The following UGGT1 variants were observed in gnomAD, a reference collection of about 807,000 sequenced individuals.
UGGT1 encodes the protein UDP-glucose:glycoprotein glucosyltransferase 1.
A neutral mutation model predicts 203.9 loss-of-function variants in UGGT1; 107 were observed. The ratio of observed to expected loss-of-function variants is 0.52; its 90% CI spans 0.45 to 0.62. The LOEUF (loss-of-function observed/expected upper bound fraction) is 0.62, where lower values mean the gene tolerates loss of function less well. Ranked by LOEUF, UGGT1 falls within the 20% of genes least tolerant of loss-of-function variation. The pLI, the probability that UGGT1 is intolerant of heterozygous loss-of-function variation, is 0.00. For synonymous variants in UGGT1, 628 were observed against 653.5 expected (o/e 0.96, Z 0.59); for missense variants, 1,673 against 1,867.2 (o/e 0.90, Z 1.92).
At chr2:128,120,231 C>A in intron 8 of UGGT1, 125 bp from the exon 9 acceptor site, 1 of 758,604 alleles carries the variant, frequency 1.3e-6, no homozygotes, top group Non-Finnish European at 2.2e-6. Flanking sequence ...ATTTTTTCCC[C>A]CTATGTCGTA....
intron 20 of UGGT1, 63 bp from the exon 21 acceptor site, chr2:128,156,329 C>T: frequency 1.6e-6 from 2 of 1,264,772 alleles, no homozygotes; most frequent in Non-Finnish European, 1.2e-6. Flanking sequence ...TCAATTTTTA[C>T]AGTAGGCATT....
At chr2:128,109,214 G>GT (rs1380241662) in intron 4 of UGGT1, among the ~76,000 whole-genome samples, 9 of 149,362 alleles carry the variant, frequency 6.0e-5, no homozygotes, top group African/African-American at 1.7e-4. Context: ...TATTGATTTT[G>GT]TTTTTTTGAG....
At chr2:128,123,595 T>G (rs1170525221) in intron 11 of UGGT1, among the ~76,000 whole-genome samples, 1 of 152,230 alleles carries the variant, frequency 6.6e-6, no homozygotes, top group Non-Finnish European at 1.5e-5. Flanking sequence ...CATTATATAT[T>G]GGCCTCCTAT....
At chr2:128,097,401 A>C in intron 1 of UGGT1, 28 bp from the exon 2 acceptor site, 1 of 1,585,876 alleles carries the variant, frequency 6.3e-7, no homozygotes, top group Non-Finnish European at 8.5e-7. Context: ...TCCTTGTAGC[A>C]AAACTTCTTT....
chr2:128,144,622 G>A (rs966271799), intron 17 of UGGT1, among the ~76,000 whole-genome samples: 1 of 152,198 alleles, frequency 6.6e-6, no homozygotes, highest in African/African-American at 2.4e-5. Context: ...AGTTTTAGGA[G>A]TGTATATTTA....
At chr2:128,152,661 C>CT in intron 18 of UGGT1, 123 bp from the exon 19 acceptor site, 1 of 1,331,944 alleles carries the variant, frequency 7.5e-7, no homozygotes, top group Non-Finnish European at 1.0e-6. Flanking sequence ...TAACTTCTGT[C>CT]TTAACTATTA....
At chr2:128,094,563 T>A (rs1164475441) in intron 1 of UGGT1, among the ~76,000 whole-genome samples, 1 of 152,048 alleles carries the variant, frequency 6.6e-6, no homozygotes, top group African/African-American at 2.4e-5. Flanking sequence ...GTAACATATA[T>A]GTGGTTAAAC....
At chr2:128,155,773 A>G (rs1208559777) in intron 20 of UGGT1, among the ~76,000 whole-genome samples, 186 bp downstream of exon 20, 2 of 152,214 alleles carry the variant, frequency 1.3e-5, no homozygotes, top group Non-Finnish European at 2.9e-5. Flanking sequence ...TGTTGAAAGT[A>G]TATATTTGTT....
At position 128,192,503 on chromosome 2, in the gene UGGT1, C is replaced by T. The variant is rs375606666; in HGVS notation, c.*2761C>T. 6.6e-6 allele frequency: 1 copy of T among 152,184 alleles called. No homozygotes were observed. Among genetic ancestry groups the T allele is most frequent in the East Asian group, 1.9e-4 (1 of 5,192 alleles). 9.4% of individuals were successfully genotyped at this position (152,184 alleles called of 1,614,324 possible). Reference sequence around the variant, plus strand: ...TTATTTATATAAAGTGAATTATTTTCTCTCTCAATCATGCCATAGTGGAGA... The same window carrying T: ...TTATTTATATAAAGTGAATTATTTTTTCTCTCAATCATGCCATAGTGGAGA... On this transcript the variant is annotated 3_prime_UTR_variant, in exon 41 of 41. Coordinates refer to ENST00000259253, the MANE Select transcript of UGGT1 (RefSeq NM_020120.4).
intron 16 of UGGT1, 99 bp downstream of exon 16, chr2:128,138,951 A>G (rs899885394): frequency 5.1e-5 from 75 of 1,472,168 alleles, no homozygotes; most frequent in Admixed American, 2.8e-4. Flanking sequence ...GGGTGTATAG[A>G]GCTCAGGGGT....
intron 22 of UGGT1, among the ~76,000 whole-genome samples, chr2:128,158,177 G>T (rs1052624603): frequency 2.0e-5 from 3 of 152,184 alleles, no homozygotes; most frequent in Non-Finnish European, 4.4e-5. Flanking sequence ...TCTTCAAATG[G>T]TAGTAGGGTA....
At chr2:128,115,797 T>C (rs1688073082) in intron 7 of UGGT1, among the ~76,000 whole-genome samples, 1 of 152,196 alleles carries the variant, frequency 6.6e-6, no homozygotes, top group Non-Finnish European at 1.5e-5. Context: ...ATGCTTATTT[T>C]AAAGATAAAA....
At chr2:128,161,309 TG>T (rs766377824) in intron 25 of UGGT1, 41 bp downstream of exon 25, 3 of 1,600,658 alleles carry the variant, frequency 1.9e-6, no homozygotes, top group African/African-American at 1.3e-5. Context: ...GTTATATAAT[TG>T]GACTTTCCTC....
intron 18 of UGGT1, among the ~76,000 whole-genome samples, chr2:128,151,682 G>C (rs908640357): frequency 6.6e-6 from 1 of 152,128 alleles, no homozygotes; most frequent in Non-Finnish European, 1.5e-5. Context: ...GACTAGCCTG[G>C]GCAATGTGGT....
intron 19 of UGGT1, among the ~76,000 whole-genome samples, chr2:128,154,444 TAGG>T (rs1690130207): frequency 6.6e-6 from 1 of 152,212 alleles, no homozygotes; most frequent in African/African-American, 2.4e-5. Context: ...AGACATCAAT[TAGG>T]AGGCTCTGGC....
rs192546283 is a variant in UGGT1 at position 128,116,483 on chromosome 2, T to G, written c.872+140T>G. ...AGTACTTTATGTATGCAATCCTACG[T>G]GGAGAGTCAACCACTTAGTTTATAG... On this transcript the variant is annotated intron_variant, in intron 8 of 40. Transcript: ENST00000259253. 577 of 576,106 alleles carry G rather than the reference T, an allele frequency of 1.0e-3. 3 individuals are homozygous for G. Among genetic ancestry groups the G allele is most frequent in the Middle Eastern group, 5.4e-3 (20 of 3,732 alleles). 35.7% of individuals were successfully genotyped at this position (576,106 alleles called of 1,614,324 possible). A position where few individuals can be genotyped will look rare whatever the true frequency, so the allele number is the denominator to read the frequency against.
intron 14 of UGGT1, among the ~76,000 whole-genome samples, chr2:128,134,563 G>C (rs898297299): frequency 1.3e-5 from 2 of 152,192 alleles, no homozygotes; most frequent in Non-Finnish European, 2.9e-5. Context: ...AAAAAGGCAG[G>C]CTCCATTTTT....
intron 8 of UGGT1, among the ~76,000 whole-genome samples, chr2:128,116,576 G>T (rs1331821729): frequency 6.6e-6 from 1 of 151,862 alleles, no homozygotes; most frequent in Admixed American, 6.6e-5. Flanking sequence ...GCCCAGGTTG[G>T]TGCAGTGGCG....
chr2:128,132,727 T>C (rs998887599), intron 13 of UGGT1, among the ~76,000 whole-genome samples: 1 of 152,218 alleles, frequency 6.6e-6, no homozygotes, highest in Non-Finnish European at 1.5e-5. Flanking sequence ...GTTTGTTTTT[T>C]TGAGATAGGG....
Sources: gnomAD v4.1 joint callset for allele counts (sites outside exome capture counted in the v4.1 genomes callset) on GRCh38, gnomAD v4.1.1 for gene constraint, MANE v1.5 for transcripts, NCBI Gene and HGNC (gene_info 2026-07-23, HGNC 2026-07-21) for gene names.